The following BMX variants were observed in gnomAD, a reference collection of about 807,000 sequenced individuals.
The protein encoded by BMX is cytoplasmic tyrosine-protein kinase BMX.
Under a neutral mutation model 59.2 loss-of-function variants are expected in BMX, and 31 were observed. The ratio of observed to expected loss-of-function variants is 0.52; its 90% CI spans 0.39 to 0.71. BMX has a LOEUF of 0.71. Among genes scored for constraint, BMX ranks in the 30% least tolerant of loss-of-function variants. BMX has a pLI of 0.00. For synonymous variants in BMX, 185 were observed against 181.0 expected (o/e 1.02, Z -0.18); for missense variants, 474 against 491.7 (o/e 0.96, Z 0.34).
At chrX:15,511,409 T>C in intron 3 of BMX, 28 bp from the exon 4 acceptor site, 1 of 1,156,664 alleles carries the variant, frequency 8.6e-7, no homozygotes, top group South Asian at 1.9e-5. Context: ...CAATTATATA[T>C]AAACACACCA....
intron 5 of BMX, 81 bp downstream of exon 5, chrX:15,516,312 C>T: frequency 8.9e-7 from 1 of 1,126,876 alleles, no homozygotes; most frequent in Non-Finnish European, 1.2e-6. Flanking sequence ...GCCAGAAGAG[C>T]TTGCCAGAAA....
At chrX:15,526,222 C>G (rs375276141) in intron 9 of BMX, 127 bp downstream of exon 9, 19 of 522,304 alleles carry the variant, frequency 3.6e-5, no homozygotes, top group East Asian at 3.4e-4. Flanking sequence ...GGTAAACTCA[C>G]GTAATGTTCT....
At position 15,530,033 on chromosome X, in the gene BMX, T is replaced by C. The variant is rs985186382; in HGVS notation, c.939+6T>C. ...AACAGTTACTCAGACAAAAGGTAAATAGTCTTGTCTTTAAAACAGCCTCAC... is the reference window on the plus strand; with the variant it reads ...AACAGTTACTCAGACAAAAGGTAAACAGTCTTGTCTTTAAAACAGCCTCAC... On this transcript the variant is annotated splice_donor_region_variant and intron_variant, in intron 10 of 18. Transcript: ENST00000348343. The C allele has an allele frequency of 1.7e-6, 2 of 1,198,744 alleles. No homozygotes were observed. Among genetic ancestry groups the C allele is most frequent in the South Asian group, 1.8e-5 (1 of 55,863 alleles).
intron 9 of BMX, among the ~76,000 whole-genome samples, chrX:15,527,283 T>TATATATATATATAC (rs1285065649): frequency 1.5e-3 from 101 of 65,776 alleles, no homozygotes; most frequent in Non-Finnish European, 2.2e-3. Flanking sequence ...TATATATATA[T>TATATATATATATAC]ACACACACAC....
At chrX:15,545,969 C>G (rs185151154) in intron 16 of BMX, among the ~76,000 whole-genome samples, 78 of 112,339 alleles carry the variant, frequency 6.9e-4, no homozygotes, top group Admixed American at 6.6e-3. Flanking sequence ...TGTTCCCACA[C>G]ACAAAAAATG....
chrX:15,504,078 C>G (rs1176761735), intron 1 of BMX, among the ~76,000 whole-genome samples: 1 of 111,818 alleles, frequency 8.9e-6, no homozygotes, highest in Admixed American at 9.5e-5. Context: ...AAATCACTCT[C>G]ATCCTTCAAA....
At position 15,542,933 on chromosome X, in the gene BMX, A is replaced by T. The variant is rs907232075; in HGVS notation, c.1612-138A>T. On this transcript the variant is annotated intron_variant, in intron 15 of 18. Coordinates refer to ENST00000348343, the MANE Select transcript of BMX (RefSeq NM_203281.3). ...TGAAAAATTGAAAATTGCAAAGGAA[A>T]AAAAAGACAACTTTAGAGCACTTGG... 9.3e-6 allele frequency: 5 copies of T among 539,912 alleles called. No individual in the cohort carries two copies. In the African/African-American group the frequency reaches 1.2e-4, roughly 13 times the overall value. 44.5% of individuals were successfully genotyped at this position (539,912 alleles called of 1,213,427 possible). A position where few individuals can be genotyped will look rare whatever the true frequency, so the allele number is the denominator to read the frequency against.
Position 15,508,368 on chromosome X carries a change from T to C in BMX, c.15T>C (p.Ser5=). Residue 5 remains serine (S), a synonymous_variant, in exon 2 of 19, where the codon TCT becomes TCC. Transcript: ENST00000348343. The part of the protein sequence containing the change: MDTK[S]ILEELLLKRS... The stretch of plus-strand genomic sequence containing the variant: ...AGGATGATAATATGGATACAAAATC[T>C]ATTCTAGAAGAACTTCTTCTCAAAA... The C allele has an allele frequency of 8.9e-7, 1 of 1,128,992 alleles. No homozygotes were observed. Among genetic ancestry groups the C allele is most frequent in the Non-Finnish European group, 1.2e-6 (1 of 837,681 alleles). The allele number at this position is 1,128,992 out of a possible 1,213,427, so 93.0% of individuals were successfully genotyped here.
chrX:15,504,574 A>G (rs778087127), intron 1 of BMX, among the ~76,000 whole-genome samples: 1 of 112,371 alleles, frequency 8.9e-6, no homozygotes, highest in South Asian at 3.7e-4. Context: ...CTCAAAATCA[A>G]GCATGCCAAA....
At chrX:15,527,215 A>C (rs967183824) in intron 9 of BMX, among the ~76,000 whole-genome samples, 1 of 81,669 alleles carries the variant, frequency 1.2e-5, no homozygotes, top group Non-Finnish European at 2.3e-5. Flanking sequence ...AAAAAAAAAA[A>C]AACAACACAA....
chrX:15,526,564 A>G (rs1424028464), intron 9 of BMX, among the ~76,000 whole-genome samples: 1 of 106,605 alleles, frequency 9.4e-6, no homozygotes, highest in Admixed American at 1.0e-4. Context: ...ACAGATCTCT[A>G]TTCTTAGGAT....
intron 1 of BMX, among the ~76,000 whole-genome samples, chrX:15,506,185 C>T: frequency 9.0e-6 from 1 of 111,574 alleles, no homozygotes; most frequent in Non-Finnish European, 1.9e-5. Flanking sequence ...AGGCATGAGA[C>T]ACTGTGCCCT....
Position 15,556,475 on chromosome X carries a change from T to C in BMX, c.*328T>C, listed in dbSNP as rs948737665. 1 of 141,892 alleles carries C rather than the reference T, an allele frequency of 7.0e-6. No individual in the cohort carries two copies. Among genetic ancestry groups the C allele is most frequent in the African/African-American group, 3.1e-5 (1 of 32,264 alleles). The allele number at this position is 141,892 out of a possible 1,213,427, so 11.7% of individuals were successfully genotyped here. On this transcript the variant is annotated 3_prime_UTR_variant, in exon 19 of 19. Coordinates refer to ENST00000348343, the MANE Select transcript of BMX (RefSeq NM_203281.3). ...TACTTATTGGATATTCATTCTTTTC[T>C]TTATATTGTCATTGTCACAACAATT...
At chrX:15,503,004 T>C (rs1055379633) in intron 1 of BMX, among the ~76,000 whole-genome samples, 1 of 111,691 alleles carries the variant, frequency 9.0e-6, no homozygotes, top group Admixed American at 9.5e-5. Context: ...TCTTTAGCTA[T>C]ATGGCATGTA....
At chrX:15,530,105 A>T (rs1171910296) in intron 10 of BMX, 78 bp downstream of exon 10, 4 of 959,089 alleles carry the variant, frequency 4.2e-6, no homozygotes, top group Non-Finnish European at 5.9e-6. Context: ...CATTTCTCAT[A>T]GAAACCTTCC....
chrX:15,542,942 A>G, intron 15 of BMX, 129 bp from the exon 16 acceptor site: 1 of 568,118 alleles, frequency 1.8e-6, no homozygotes, highest in Non-Finnish European at 2.8e-6. Flanking sequence ...AAAAAAAGAC[A>G]ACTTTAGAGC....
Position 15,509,391 on chromosome X carries a change from T to A in BMX, c.201T>A (p.Asn67Lys). ...AAATCAGATGTGTGGAGAAAGTAAATCTCGAGGAGCAGACGCCTGTAGAGA... is the reference window on the plus strand; with the variant it reads ...AAATCAGATGTGTGGAGAAAGTAAAACTCGAGGAGCAGACGCCTGTAGAGA... ...IKKIRCVEKVNLEEQTPVERQ... is the reference protein window; with the variant it reads ...IKKIRCVEKVKLEEQTPVERQ... The change falls in exon 3 of 19, where the codon AAT becomes AAA. Residue 67 changes from asparagine to lysine, a missense_variant. Physicochemically the swap from Asn to Lys is moderately conservative, Grantham distance 94. Transcript: ENST00000348343. The A allele has an allele frequency of 1.7e-6, 2 of 1,206,905 alleles. No individual in the cohort carries two copies. The highest frequency in any genetic ancestry group is 2.2e-6 in the Non-Finnish European group (2 of 892,982).
At chrX:15,524,085 G>A (rs146738154) in intron 7 of BMX, among the ~76,000 whole-genome samples, 2,306 of 112,020 alleles carry the variant, frequency 0.021, 53 homozygotes, top group African/African-American at 0.07. Context: ...TCTTCCCTGA[G>A]CTTCTTTTTA....
chrX:15,548,184 C>T (rs915460016), intron 17 of BMX, among the ~76,000 whole-genome samples: 1 of 111,853 alleles, frequency 8.9e-6, no homozygotes, highest in South Asian at 3.7e-4. Context: ...AGGCTGAGTG[C>T]GGTGGCTCAT....
Sources: allele counts gnomAD v4.1 joint callset (sites outside exome capture counted in the v4.1 genomes callset), GRCh38; gene constraint gnomAD v4.1.1; transcripts MANE v1.5; gene names NCBI Gene and HGNC (gene_info 2026-07-23, HGNC 2026-07-21).